Variants in DENND2A observed in about 807,000 individuals in gnomAD.
DENND2A encodes the protein DENN domain containing 2A, also known as DENN domain-containing protein 2A.
Under a neutral mutation model 105.3 loss-of-function variants are expected in DENND2A, and 53 were observed. The observed-to-expected ratio is 0.50, with a 90% CI of 0.40 to 0.63. The LOEUF is 0.63. Among genes scored for constraint, DENND2A ranks in the 30% least tolerant of loss-of-function variants. DENND2A has a pLI of 0.00. For synonymous variants in DENND2A, 522 were observed against 508.4 expected (o/e 1.03, Z -0.36); for missense variants, 1,138 against 1,279.6 (o/e 0.89, Z 1.69).
intron 16 of DENND2A, among the ~76,000 whole-genome samples, chr7:140,524,349 T>C (rs1231655875): frequency 1.3e-5 from 2 of 152,164 alleles, no homozygotes; most frequent in African/African-American, 4.8e-5. Context: ...AGAAAATACA[T>C]GTGTGTTACC....
intron 1 of DENND2A, among the ~76,000 whole-genome samples, chr7:140,627,036 G>T (rs927920838): frequency 3.3e-5 from 5 of 152,158 alleles, no homozygotes; most frequent in Admixed American, 6.5e-5. Context: ...TACTTTAAGA[G>T]ACTGGTAAGG....
intron 6 of DENND2A, among the ~76,000 whole-genome samples, chr7:140,572,993 C>T (rs1798158012): frequency 6.6e-6 from 1 of 152,066 alleles, no homozygotes; most frequent in African/African-American, 2.4e-5. Flanking sequence ...GGAGTTGAGG[C>T]CAAGAGAAAT....
chr7:140,563,498 G>A (rs1310508026), intron 9 of DENND2A, among the ~76,000 whole-genome samples: 1 of 151,934 alleles, frequency 6.6e-6, no homozygotes, highest in Non-Finnish European at 1.5e-5. Flanking sequence ...AATAGGGGCT[G>A]TGCCTTGATT....
At position 140,635,085 on chromosome 7, in the gene DENND2A, A is replaced by C. The variant is rs149490832; in HGVS notation, c.-248+5419T>G. Among the ~76,000 whole-genome samples, 500 of 152,066 alleles carry C rather than the reference A, an allele frequency of 3.3e-3. 9 individuals carry two copies. The highest frequency in any genetic ancestry group is 5.6e-3 in the East Asian group (29 of 5,168). On this transcript the variant is annotated intron_variant, in intron 1 of 19. Transcript: ENST00000496613. ...TGAGACCAGCCTGGGCAACATGGGG[A>C]AACTCTGTCTCTACCAAAAATACAA...
chr7:140,546,709 G>T, intron 13 of DENND2A, 90 bp downstream of exon 13: 1 of 1,515,588 alleles, frequency 6.6e-7, no homozygotes. Flanking sequence ...GAATTGGACT[G>T]CTCACTGAAA....
At chr7:140,612,869 C>T (rs1382773259) in intron 1 of DENND2A, among the ~76,000 whole-genome samples, 1 of 151,906 alleles carries the variant, frequency 6.6e-6, no homozygotes, top group Non-Finnish European at 1.5e-5. Flanking sequence ...AATCCCAGCA[C>T]TTTGGGAGAC....
chr7:140,583,419 G>A (rs1051758796), intron 5 of DENND2A, among the ~76,000 whole-genome samples: 5 of 150,140 alleles, frequency 3.3e-5, no homozygotes, highest in African/African-American at 1.3e-4. Context: ...GGCTGGAGAC[G>A]CTTCTTAAAG....
intron 1 of DENND2A, among the ~76,000 whole-genome samples, chr7:140,629,030 G>T (rs1299835507): frequency 6.6e-6 from 1 of 152,156 alleles, no homozygotes; most frequent in Non-Finnish European, 1.5e-5. Context: ...ATAAAAGATT[G>T]CAATTGTTCA....
At chr7:140,548,978 G>C (rs1172550405) in intron 12 of DENND2A, among the ~76,000 whole-genome samples, 1 of 151,908 alleles carries the variant, frequency 6.6e-6, no homozygotes, top group Non-Finnish European at 1.5e-5. Flanking sequence ...CAACATTTTG[G>C]GAGGCCAAGG....
chr7:140,574,355 A>G (rs982305743), intron 5 of DENND2A, among the ~76,000 whole-genome samples: 11 of 151,938 alleles, frequency 7.2e-5, no homozygotes, highest in African/African-American at 2.7e-4. Context: ...AGTAGCTGGG[A>G]CTGCAAGCAC....
At chr7:140,561,446 C>T (rs979948351) in intron 9 of DENND2A, among the ~76,000 whole-genome samples, 1 of 151,030 alleles carries the variant, frequency 6.6e-6, no homozygotes, top group African/African-American at 2.4e-5. Context: ...GAATTTATAA[C>T]GTCTAACCTA....
At chr7:140,639,439 G>GACACAC (rs10611078) in intron 1 of DENND2A, among the ~76,000 whole-genome samples, 1 of 150,126 alleles carries the variant, frequency 6.7e-6, no homozygotes, top group African/African-American at 2.4e-5. Context: ...AACCGTCTCT[G>GACACAC]ACACACACAC....
chr7:140,606,784 C>T (rs536189427), intron 1 of DENND2A, among the ~76,000 whole-genome samples: 12 of 152,294 alleles, frequency 7.9e-5, no homozygotes, highest in African/African-American at 2.9e-4. Context: ...TGTGTGGATA[C>T]CAAGGCAGCA....
chr7:140,630,735 C>T (rs1314312889), intron 1 of DENND2A, among the ~76,000 whole-genome samples: 1 of 152,088 alleles, frequency 6.6e-6, no homozygotes, highest in Non-Finnish European at 1.5e-5. Context: ...GTGGCACACA[C>T]CTGTAATTTC....
chr7:140,585,169 G>C (rs1360453690), intron 5 of DENND2A, among the ~76,000 whole-genome samples: 1 of 152,192 alleles, frequency 6.6e-6, no homozygotes, highest in Non-Finnish European at 1.5e-5. Flanking sequence ...CTGCACTCCT[G>C]CCTGGGTGAC....
chr7:140,574,533 A>G (rs1798224966), intron 5 of DENND2A, among the ~76,000 whole-genome samples: 1 of 152,032 alleles, frequency 6.6e-6, no homozygotes, highest in African/African-American at 2.4e-5. Flanking sequence ...TTCTCTTTTT[A>G]GACAAGTGCG....
chr7:140,558,393 T>C (rs188557118), intron 10 of DENND2A, among the ~76,000 whole-genome samples, 181 bp from the exon 11 acceptor site: 295 of 152,270 alleles, frequency 1.9e-3, no homozygotes, highest in African/African-American at 6.8e-3. Flanking sequence ...CATAGCTTCA[T>C]AGTAAATGTC....
chr7:140,530,111 C>A (rs1198142283), intron 14 of DENND2A, among the ~76,000 whole-genome samples: 1 of 151,272 alleles, frequency 6.6e-6, no homozygotes, highest in African/African-American at 2.4e-5. Flanking sequence ...GTGGTCCCAG[C>A]TACTCAGGAA....
chr7:140,604,672 C>T (rs1293611112), intron 2 of DENND2A, among the ~76,000 whole-genome samples: 2 of 152,142 alleles, frequency 1.3e-5, no homozygotes, highest in South Asian at 2.1e-4. Flanking sequence ...TGGTCTACAA[C>T]GTGGTTATTA....
Sources: allele counts gnomAD v4.1 joint callset (sites outside exome capture counted in the v4.1 genomes callset), GRCh38; gene constraint gnomAD v4.1.1; transcripts MANE v1.5; gene names NCBI Gene and HGNC (gene_info 2026-07-23, HGNC 2026-07-21).